Variants in SLC38A11 observed in about 807,000 individuals in gnomAD.
SLC38A11 encodes putative sodium-coupled neutral amino acid transporter 11.
SLC38A11 carries 51 observed loss-of-function variants against 49.4 expected under a neutral mutation model. That is an observed-to-expected ratio of 1.03 (90% confidence interval 0.83 to 1.30). The LOEUF is 1.30. SLC38A11 is among the 50% of genes most tolerant of loss of function. SLC38A11 has a pLI of 0.00. For synonymous variants in SLC38A11, 203 were observed against 192.9 expected (o/e 1.05, Z -0.43); for missense variants, 574 against 556.2 (o/e 1.03, Z -0.32).
At chr2:164,937,969 T>A (rs1048821463) in intron 6 of SLC38A11, among the ~76,000 whole-genome samples, 2 of 151,980 alleles carry the variant, frequency 1.3e-5, no homozygotes, top group East Asian at 3.9e-4. Flanking sequence ...TTGGTCTGCG[T>A]TCCTAGGCCT....
intron 7 of SLC38A11, among the ~76,000 whole-genome samples, chr2:164,920,547 AGG>A (rs1197747316): frequency 1.2e-4 from 4 of 32,660 alleles, no homozygotes; most frequent in Non-Finnish European, 3.8e-4. Flanking sequence ...GAGATATCCG[AGG>A]AGAAGACACT....
chr2:164,921,142 G>A (rs1386214923), intron 7 of SLC38A11, among the ~76,000 whole-genome samples: 1 of 152,128 alleles, frequency 6.6e-6, no homozygotes, highest in Non-Finnish European at 1.5e-5. Context: ...TACTGTAAGA[G>A]AAGATAACAG....
chr2:164,951,210 T>C (rs1688500897), intron 3 of SLC38A11, among the ~76,000 whole-genome samples: 2 of 151,788 alleles, frequency 1.3e-5, no homozygotes, highest in South Asian at 4.1e-4. Context: ...ATGCATACTT[T>C]TAAATGTTTT....
intron 7 of SLC38A11, among the ~76,000 whole-genome samples, chr2:164,930,654 C>T (rs1194404030): frequency 3.9e-5 from 6 of 152,002 alleles, no homozygotes; most frequent in South Asian, 2.1e-4. Flanking sequence ...AAGACAAAAA[C>T]GATATGATTA....
intron 10 of SLC38A11, among the ~76,000 whole-genome samples, chr2:164,910,932 T>C (rs1685355594): frequency 6.6e-6 from 1 of 152,102 alleles, no homozygotes; most frequent in Non-Finnish European, 1.5e-5. Context: ...ATAATATTTC[T>C]CTACAAATAC....
intron 9 of SLC38A11, 176 bp from the exon 10 acceptor site, chr2:164,911,924 A>G (rs1685434492): frequency 2.3e-6 from 1 of 429,610 alleles, no homozygotes. Context: ...AATACTTTCC[A>G]TTCTGCTACA....
chr2:164,918,574 C>G (rs1685961118), intron 7 of SLC38A11, among the ~76,000 whole-genome samples: 2 of 152,002 alleles, frequency 1.3e-5, no homozygotes, highest in African/African-American at 4.8e-5. Flanking sequence ...GGGATGAAAC[C>G]AGATAGGATG....
At chr2:164,948,888 C>CT (rs67268569) in intron 3 of SLC38A11, among the ~76,000 whole-genome samples, 3,417 of 136,164 alleles carry the variant, frequency 0.025, 124 homozygotes, top group African/African-American at 0.074. Flanking sequence ...TGCTAACTCA[C>CT]TTTTTTTTTT....
intron 2 of SLC38A11, among the ~76,000 whole-genome samples, chr2:164,954,159 T>C (rs1688697425): frequency 6.6e-6 from 1 of 152,182 alleles, no homozygotes; most frequent in Non-Finnish European, 1.5e-5. Flanking sequence ...GTAAAGAATG[T>C]ATGAATTTAA....
At chr2:164,914,582 T>C (rs1169140349) in intron 9 of SLC38A11, among the ~76,000 whole-genome samples, 1 of 151,458 alleles carries the variant, frequency 6.6e-6, no homozygotes, top group Non-Finnish European at 1.5e-5. Context: ...GAGAAAACAA[T>C]ATGCTTGAGC....
chr2:164,923,009 A>C (rs1446296223), intron 7 of SLC38A11, among the ~76,000 whole-genome samples: 1 of 152,222 alleles, frequency 6.6e-6, no homozygotes, highest in Non-Finnish European at 1.5e-5. Context: ...TGCTGAGATA[A>C]CTGGCTAACC....
rs1356033771 is a variant in SLC38A11 at position 164,907,351 on chromosome 2, G to GA, written c.1095+1288dup. Among the ~76,000 whole-genome samples the GA allele has an allele frequency of 2.3e-5, 3 of 129,542 alleles. No homozygotes were observed. The East Asian group carries it at 7.5e-4, about 33-fold the overall frequency. 85.0% of individuals were successfully genotyped at this position (129,542 alleles called of 152,430 possible). ...TGCAGTGGTGCCATCTCAGCTCACT[G>GA]AAACCTCTACCTCCTGGGCTCAAGC... On this transcript the variant is annotated intron_variant, in intron 11 of 11. Coordinates refer to ENST00000685975, the MANE Select transcript of SLC38A11 (RefSeq NM_001351537.2).
At chr2:164,939,057 A>G (rs1687567449) in intron 6 of SLC38A11, among the ~76,000 whole-genome samples, 1 of 152,154 alleles carries the variant, frequency 6.6e-6, no homozygotes, top group South Asian at 2.1e-4. Flanking sequence ...ATTTACAAAT[A>G]AATATATTTT....
intron 3 of SLC38A11, among the ~76,000 whole-genome samples, chr2:164,948,998 A>T (rs1448654182): frequency 6.8e-6 from 1 of 147,196 alleles, no homozygotes; most frequent in Non-Finnish European, 1.5e-5. Flanking sequence ...TCATGTACAT[A>T]TTTTTATTAT....
At chr2:164,933,786 A>G (rs1359863876) in intron 7 of SLC38A11, among the ~76,000 whole-genome samples, 1 of 152,130 alleles carries the variant, frequency 6.6e-6, no homozygotes, top group Non-Finnish European at 1.5e-5. Flanking sequence ...CTGCCTGACT[A>G]GCTACCATGC....
rs138788928 is a variant in SLC38A11 at position 164,916,066 on chromosome 2, G to T, written c.618-93C>A. The T allele has an allele frequency of 1.4e-3, 1,209 of 844,172 alleles. 22 individuals carry two copies. The East Asian group carries it at 0.017, about 12-fold the overall frequency. The allele number at this position is 844,172 out of a possible 1,614,324, so 52.3% of individuals were successfully genotyped here. ...AGAAATGGTATCACAAATATAAACT[G>T]AGTGTCTTTAAGCCAGAAATTAATA... On this transcript the variant is annotated intron_variant, in intron 7 of 11. Transcript: ENST00000685975.
chr2:164,919,138 T>C (rs1375732591), intron 7 of SLC38A11, among the ~76,000 whole-genome samples: 2 of 152,104 alleles, frequency 1.3e-5, no homozygotes, highest in East Asian at 3.9e-4. Context: ...AAGACTGGCC[T>C]GGGCAACACA....
chr2:164,942,269 C>A (rs1280904268), intron 5 of SLC38A11, among the ~76,000 whole-genome samples: 2 of 151,452 alleles, frequency 1.3e-5, no homozygotes, highest in African/African-American at 2.4e-5. Flanking sequence ...GACAACATAG[C>A]AAAACCCCAT....
chr2:164,911,815 T>G (rs1207103490), intron 9 of SLC38A11, 67 bp from the exon 10 acceptor site: 23 of 831,670 alleles, frequency 2.8e-5, no homozygotes, highest in Non-Finnish European at 3.7e-5. Flanking sequence ...ATCTAATAAA[T>G]TAAATATTAG....
Sources: gnomAD v4.1 joint callset for allele counts (sites outside exome capture counted in the v4.1 genomes callset) on GRCh38, gnomAD v4.1.1 for gene constraint, MANE v1.5 for transcripts, NCBI Gene and HGNC (gene_info 2026-07-23, HGNC 2026-07-21) for gene names.